EP300: variants seen among roughly 807,000 people sequenced by gnomAD.
EP300 encodes EP300 lysine acetyltransferase.
A neutral mutation model predicts 264.0 loss-of-function variants in EP300; 31 were observed. The ratio of observed to expected loss-of-function variants is 0.12; its 90% CI spans 0.09 to 0.16. The LOEUF (loss-of-function observed/expected upper bound fraction) is 0.16, where lower values mean the gene tolerates loss of function less well. Among genes scored for constraint, EP300 ranks in the 10% least tolerant of loss-of-function variants. EP300 has a pLI of 1.00. For synonymous variants in EP300, 1,340 were observed against 1,045.4 expected, an observed-to-expected ratio of 1.28 and a Z score of -5.44; for missense variants, 2,766 against 3,052.9, an observed-to-expected ratio of 0.91 and a Z score of 2.21.
chr22:41,158,382 G>T, intron 18 of EP300, 30 bp from the exon 19 acceptor site: 1 of 1,604,762 alleles, frequency 6.2e-7, no homozygotes, highest in African/African-American at 1.3e-5. Context: ...TAAGGCCTCT[G>T]TGCTTTTTAA....
rs761640420 is a variant in EP300 at position 41,147,826 on chromosome 22, C to G, written c.2132-11C>G. On this transcript the variant is annotated splice_polypyrimidine_tract_variant and intron_variant, in intron 11 of 30. Coordinates refer to ENST00000263253, the MANE Select transcript of EP300 (RefSeq NM_001429.4). The stretch of plus-strand genomic sequence containing the variant: ...AGGCATTCAGATCTAACATTTTGCT[C>G]ATATTCACAGGTTTGAATCAATTTG... 5.0e-6 allele frequency: 8 copies of G among 1,589,882 alleles called. No homozygotes were observed. In the Admixed American group the frequency reaches 6.7e-5, roughly 13 times the overall value.
chr22:41,095,798 T>TCGTGATGTAAATATATCCAAAATC (rs2058699041), intron 1 of EP300, among the ~76,000 whole-genome samples: 1 of 152,118 alleles, frequency 6.6e-6, no homozygotes, highest in Non-Finnish European at 1.5e-5. Flanking sequence ...GCTTGCAAAT[T>TCGTGATGTAAATATATCCAAAATC]TCGTGATGTA....
intron 1 of EP300, among the ~76,000 whole-genome samples, chr22:41,104,340 A>T (rs2058746701): frequency 6.6e-6 from 1 of 151,354 alleles, no homozygotes. Flanking sequence ...CCCAGGCTGG[A>T]GTGCAGTGGT....
At chr22:41,166,547 A>G in intron 22 of EP300, 52 bp from the exon 23 acceptor site, 1 of 1,444,972 alleles carries the variant, frequency 6.9e-7, no homozygotes, top group South Asian at 1.2e-5. Context: ...TTGTTAGTAT[A>G]AATTCAACGG....
chr22:41,176,719 T>A (rs1190242880), intron 30 of EP300, 54 bp from the exon 31 acceptor site: 5 of 1,613,418 alleles, frequency 3.1e-6, no homozygotes, highest in Non-Finnish European at 4.2e-6. Flanking sequence ...CTAAAATACT[T>A]TTGAATGACT....
Position 41,130,807 on chromosome 22 carries a change from CT to C in EP300, c.1283-570del, listed in dbSNP as rs560195394. Among the ~76,000 whole-genome samples, 481 of 143,176 alleles carry C rather than the reference CT, an allele frequency of 3.4e-3. 2 individuals carry two copies. The highest frequency in any genetic ancestry group is 3.7e-3 in the Admixed American group (52 of 14,246). The allele number at this position is 143,176 out of a possible 152,430, so 93.9% of individuals were successfully genotyped here. ...TTTATAATATTGGGATATAGAAGAG[CT>C]TTTTTTTTTTAAGAGAAAAGACGAG... On this transcript the variant is annotated intron_variant, in intron 5 of 30. Transcript: ENST00000263253.
At chr22:41,124,935 T>G (rs923402228) in intron 2 of EP300, among the ~76,000 whole-genome samples, 1 of 151,986 alleles carries the variant, frequency 6.6e-6, no homozygotes, top group Admixed American at 6.6e-5. Flanking sequence ...TATAGTGGGT[T>G]TTTTTTGTTT....
intron 27 of EP300, 26 bp from the exon 28 acceptor site, chr22:41,172,473 C>G (rs1001696284): frequency 1.9e-6 from 3 of 1,578,056 alleles, no homozygotes; most frequent in South Asian, 2.2e-5. Flanking sequence ...ATAGAAATTC[C>G]TATATGTACA....
rs1010852943 is a variant in EP300, at chr22:41,168,359, G to A, written c.3875-90G>A. The A allele has an allele frequency of 1.5e-5, 23 of 1,501,118 alleles. No homozygotes were observed. The Middle Eastern group carries it at 8.0e-4, about 52-fold the overall frequency. The allele number at this position is 1,501,118 out of a possible 1,614,324, so 93.0% of individuals were successfully genotyped here. On this transcript the variant is annotated intron_variant, in intron 23 of 30. Coordinates refer to ENST00000263253, the MANE Select transcript of EP300 (RefSeq NM_001429.4). ...TTCACCAAGTTATCCTGTTTGTATT[G>A]AAAAAAGTACAAATGAGATTTGAGG... is the stretch of plus-strand genomic sequence containing the variant.
intron 1 of EP300, among the ~76,000 whole-genome samples, chr22:41,113,579 C>G (rs2058805612): frequency 6.6e-6 from 1 of 152,210 alleles, no homozygotes; most frequent in Non-Finnish European, 1.5e-5. Flanking sequence ...CGGAGTCTCG[C>G]TCTGTCGCCC....
chr22:41,119,184 T>TA (rs1186533973), intron 2 of EP300, among the ~76,000 whole-genome samples: 8 of 115,180 alleles, frequency 6.9e-5, no homozygotes, highest in East Asian at 6.1e-4. Flanking sequence ...TATTTTTTTT[T>TA]TTTTTTTTTT....
intron 14 of EP300, 51 bp from the exon 15 acceptor site, chr22:41,151,782 G>T (rs568308310): frequency 1.9e-6 from 3 of 1,568,618 alleles, no homozygotes; most frequent in East Asian, 4.5e-5. Flanking sequence ...TGATTGTATC[G>T]TTGGCAGACT....
Position 41,117,362 on chromosome 22 carries a change from C to G in EP300, c.270C>G (p.Ser90=). 8 of 1,614,124 alleles carry G rather than the reference C, an allele frequency of 5.0e-6. No individual in the cohort carries two copies. The highest frequency in any genetic ancestry group is 6.8e-6 in the Non-Finnish European group (8 of 1,180,016). Residue 90 remains serine, a synonymous_variant, in exon 2 of 31, where the codon TCC becomes TCG. Transcript: ENST00000263253. ...CAGAATTGCTGCGATCTGGTAGTTC[C>G]CCTAACCTCAATATGGGAGTTGGTG... ...QLSELLRSGS[S]PNLNMGVGGP...
chr22:41,170,919 T>A (rs1321258000), intron 27 of EP300, among the ~76,000 whole-genome samples: 4 of 150,906 alleles, frequency 2.7e-5, no homozygotes, highest in South Asian at 2.1e-4. Flanking sequence ...CGCCTTGGCC[T>A]CCCAAAGTGC....
intron 17 of EP300, 78 bp from the exon 18 acceptor site, chr22:41,157,091 C>T: frequency 6.3e-7 from 1 of 1,579,804 alleles, no homozygotes; most frequent in Non-Finnish European, 8.7e-7. Context: ...GGAAAATTAA[C>T]AATGATAATG....
At chr22:41,100,611 A>G (rs1449166534) in intron 1 of EP300, among the ~76,000 whole-genome samples, 1 of 152,182 alleles carries the variant, frequency 6.6e-6, no homozygotes, top group Non-Finnish European at 1.5e-5. Flanking sequence ...TTTTCTTGTC[A>G]TTATTCCCTA....
At chr22:41,127,811 T>A (rs2058891709) in intron 4 of EP300, 63 bp downstream of exon 4, 22 of 1,597,490 alleles carry the variant, frequency 1.4e-5, no homozygotes, top group Non-Finnish European at 1.9e-5. Flanking sequence ...AGAAGGAAAA[T>A]GTGATCAAGT....
At chr22:41,099,379 G>A (rs756753233) in intron 1 of EP300, among the ~76,000 whole-genome samples, 16 of 152,038 alleles carry the variant, frequency 1.1e-4, no homozygotes, top group Admixed American at 9.2e-4. Flanking sequence ...TTATCCTTGC[G>A]GGATACATTC....
chr22:41,128,702 G>A (rs1365222108), intron 4 of EP300, among the ~76,000 whole-genome samples: 1 of 151,950 alleles, frequency 6.6e-6, no homozygotes, highest in African/African-American at 2.4e-5. Context: ...TAGTGGAGAC[G>A]GGGTTTTACC....
Sources: allele counts gnomAD v4.1 joint callset (sites outside exome capture counted in the v4.1 genomes callset), GRCh38; gene constraint gnomAD v4.1.1; transcripts MANE v1.5; gene names NCBI Gene and HGNC (gene_info 2026-07-23, HGNC 2026-07-21).